Variants in FSTL5 observed in about 807,000 individuals in gnomAD.
The protein encoded by FSTL5 is follistatin like 5.
Under a neutral mutation model 89.1 loss-of-function variants are expected in FSTL5, and 62 were observed. That is an observed-to-expected ratio of 0.70 (90% CI 0.57 to 0.86). The LOEUF (loss-of-function observed/expected upper bound fraction) is 0.86, where lower values mean the gene tolerates loss of function less well. FSTL5 is among the 40% of genes least tolerant of loss of function. FSTL5 has a pLI of 0.00. For synonymous variants in FSTL5, 383 were observed against 346.2 expected (o/e 1.11, Z -1.18); for missense variants, 1,057 against 1,001.6 (o/e 1.06, Z -0.75).
At chr4:161,419,493 T>G (rs1731909522) in intron 15 of FSTL5, among the ~76,000 whole-genome samples, 1 of 152,220 alleles carries the variant, frequency 6.6e-6, no homozygotes, top group African/African-American at 2.4e-5. Context: ...TGTTTCTGAC[T>G]ACCATGTCCT....
At chr4:161,997,893 C>G (rs371170190) in intron 3 of FSTL5, among the ~76,000 whole-genome samples, 2 of 152,014 alleles carry the variant, frequency 1.3e-5, no homozygotes, top group African/African-American at 4.8e-5. Context: ...CGTGAGCCAC[C>G]GCGCCCGGCC....
At chr4:162,115,841 G>C (rs1731617100) in intron 1 of FSTL5, among the ~76,000 whole-genome samples, 1 of 152,074 alleles carries the variant, frequency 6.6e-6, no homozygotes, top group African/African-American at 2.4e-5. Flanking sequence ...GTAGGATTTA[G>C]AGTAATTACG....
intron 6 of FSTL5, among the ~76,000 whole-genome samples, chr4:161,684,656 T>C (rs375850337): frequency 6.6e-6 from 1 of 152,210 alleles, no homozygotes; most frequent in Non-Finnish European, 1.5e-5. Context: ...TTGTAGATTC[T>C]GGATATTAGT....
At chr4:161,423,209 C>T (rs1269841156) in intron 15 of FSTL5, among the ~76,000 whole-genome samples, 2 of 152,080 alleles carry the variant, frequency 1.3e-5, no homozygotes, top group Non-Finnish European at 1.5e-5. Flanking sequence ...AAGTTCATGA[C>T]TTGACTAGTA....
rs529765386 is a variant in FSTL5 at position 161,563,157 on chromosome 4, T to A, written c.1016-20464A>T. On this transcript the variant is annotated intron_variant, in intron 8 of 15. Transcript: ENST00000306100. Reference sequence around the variant, plus strand: ...ATATGACTCACCCTAACTGGAAACATATTTTATGGACATACCACATTTTAC... The same window carrying A: ...ATATGACTCACCCTAACTGGAAACAAATTTTATGGACATACCACATTTTAC... Among the ~76,000 whole-genome samples, 19 of 152,092 alleles carry A rather than the reference T, an allele frequency of 1.2e-4. No homozygotes were observed. The South Asian group carries it at 3.7e-3, about 30-fold the overall frequency.
chr4:161,982,327 C>G (rs1244930349), intron 3 of FSTL5, among the ~76,000 whole-genome samples: 3 of 152,106 alleles, frequency 2.0e-5, no homozygotes, highest in Non-Finnish European at 4.4e-5. Context: ...CTCTTGCCAA[C>G]AGTATTCATA....
chr4:161,444,206 G>T (rs1271990200), intron 15 of FSTL5, among the ~76,000 whole-genome samples: 1 of 151,748 alleles, frequency 6.6e-6, no homozygotes. Flanking sequence ...AGAGGCAAGG[G>T]GCCTCAGCTT....
In FSTL5 at chr4:161,560,749, T is replaced by A. The variant is rs140856615; in HGVS notation, c.1016-18056A>T. Among the ~76,000 whole-genome samples, 1,203 of 151,986 alleles carry A rather than the reference T, an allele frequency of 7.9e-3. 20 individuals are homozygous for A. Among genetic ancestry groups the A allele is most frequent in the African/African-American group, 0.028 (1,162 of 41,492 alleles). ...ACGTCTTGTCTCACTGGAAGGTCTT[T>A]CAGGGGCAATAACACACATGGAGTT... is the stretch of plus-strand genomic sequence containing the variant. On this transcript the variant is annotated intron_variant, in intron 8 of 15. Transcript: ENST00000306100.
At chr4:161,936,671 A>G (rs1408270352) in intron 3 of FSTL5, among the ~76,000 whole-genome samples, 2 of 152,150 alleles carry the variant, frequency 1.3e-5, no homozygotes, top group Non-Finnish European at 2.9e-5. Context: ...TGCAAAGTCA[A>G]TAAATTGCCA....
At chr4:162,104,253 T>C (rs1731121449) in intron 2 of FSTL5, among the ~76,000 whole-genome samples, 1 of 152,170 alleles carries the variant, frequency 6.6e-6, no homozygotes, top group African/African-American at 2.4e-5. Flanking sequence ...AGCTGAACAC[T>C]AGTCACTGGG....
intron 1 of FSTL5, among the ~76,000 whole-genome samples, chr4:162,122,583 T>A (rs879853985): frequency 8.7e-4 from 132 of 152,152 alleles, no homozygotes; most frequent in Non-Finnish European, 1.4e-3. Flanking sequence ...TTTGTTTTTT[T>A]AAATTTATTT....
At chr4:161,671,746 A>T (rs1363605675) in intron 6 of FSTL5, among the ~76,000 whole-genome samples, 2 of 152,152 alleles carry the variant, frequency 1.3e-5, no homozygotes, top group Admixed American at 1.3e-4. Context: ...CTACAACTGT[A>T]ACAGTTGCTA....
intron 2 of FSTL5, among the ~76,000 whole-genome samples, chr4:162,071,902 AT>A (rs1729640260): frequency 2.0e-5 from 3 of 151,868 alleles, no homozygotes; most frequent in South Asian, 4.1e-4. Flanking sequence ...TTAATGATGA[AT>A]GGGTCAGTGA....
intron 6 of FSTL5, among the ~76,000 whole-genome samples, chr4:161,757,800 G>A (rs1358285524): frequency 6.6e-6 from 1 of 151,868 alleles, no homozygotes; most frequent in African/African-American, 2.4e-5. Flanking sequence ...TGTATTTTTA[G>A]TAGAGATGGG....
chr4:161,852,696 G>T (rs1332685673), intron 4 of FSTL5, among the ~76,000 whole-genome samples: 1 of 152,108 alleles, frequency 6.6e-6, no homozygotes, highest in Non-Finnish European at 1.5e-5. Context: ...CAATAGTAAA[G>T]ACATGTAATC....
intron 7 of FSTL5, among the ~76,000 whole-genome samples, chr4:161,655,073 A>G (rs1222685565): frequency 6.6e-6 from 1 of 152,118 alleles, no homozygotes; most frequent in African/African-American, 2.4e-5. Context: ...TTTGATTAAT[A>G]TTTCTTATTT....
At chr4:161,573,252 A>C (rs1443575477) in intron 8 of FSTL5, among the ~76,000 whole-genome samples, 1 of 152,006 alleles carries the variant, frequency 6.6e-6, no homozygotes, top group Non-Finnish European at 1.5e-5. Flanking sequence ...TCTACTAAAA[A>C]TACAAAAATT....
chr4:161,851,264 T>C (rs1328239999), intron 4 of FSTL5, among the ~76,000 whole-genome samples: 1 of 152,164 alleles, frequency 6.6e-6, no homozygotes, highest in South Asian at 2.1e-4. Flanking sequence ...TCTCTTTTAA[T>C]TGAAATATAT....
intron 6 of FSTL5, among the ~76,000 whole-genome samples, chr4:161,678,086 A>G (rs747296651): frequency 6.6e-6 from 1 of 151,894 alleles, no homozygotes; most frequent in Non-Finnish European, 1.5e-5. Context: ...GTTGGTAAAT[A>G]TACATATCTG....
Sources: allele counts gnomAD v4.1 joint callset (sites outside exome capture counted in the v4.1 genomes callset), GRCh38; gene constraint gnomAD v4.1.1; transcripts MANE v1.5; gene names NCBI Gene and HGNC (gene_info 2026-07-23, HGNC 2026-07-21).